The following OSBPL1A variants were observed in gnomAD, a reference collection of about 807,000 sequenced individuals.
OSBPL1A encodes the protein oxysterol-binding protein-related protein 1.
Under a neutral mutation model 137.1 loss-of-function variants are expected in OSBPL1A, and 80 were observed. The ratio of observed to expected loss-of-function variants is 0.58; its 90% CI spans 0.49 to 0.70. The LOEUF is 0.70. Among genes scored for constraint, OSBPL1A ranks in the 30% least tolerant of loss-of-function variants. The pLI, the probability that OSBPL1A is intolerant of heterozygous loss-of-function variation, is 0.00. For synonymous variants in OSBPL1A, 365 were observed against 389.7 expected, an observed-to-expected ratio of 0.94 and a Z score of 0.75; for missense variants, 970 against 1,129.4, an observed-to-expected ratio of 0.86 and a Z score of 2.02.
intron 5 of OSBPL1A, among the ~76,000 whole-genome samples, chr18:24,339,354 A>C (rs796321425): frequency 1.4e-4 from 22 of 152,294 alleles, no homozygotes; most frequent in African/African-American, 5.1e-4. Context: ...TAATTTGCCA[A>C]TGATCCATTT....
chr18:24,351,424 TGATCATAGTAAAA>T (rs1434944837), intron 4 of OSBPL1A, among the ~76,000 whole-genome samples: 1 of 148,210 alleles, frequency 6.7e-6, no homozygotes, highest in Non-Finnish European at 1.5e-5. Context: ...ATGACATATA[TGATCATAGTAAAA>T]GACAGTAAAA....
rs751616416 is a variant in OSBPL1A, at chr18:24,333,053, AAC to A, written c.512_513del (p.Cys171PhefsTer18). 6.2e-7 allele frequency: 1 copy of A among 1,614,184 alleles called. No individual in the cohort carries two copies. Among genetic ancestry groups the A allele is most frequent in the Admixed American group, 1.7e-5 (1 of 60,022 alleles). ...LNRPNPPDVN[C>X]SDQLGNTPLH... The stretch of plus-strand genomic sequence containing the variant: ...AAGGGTGTATTTCCTAACTGATCCG[AAC>A]AGTTAACATCAGGAGGATTGGGCCT... On this transcript the variant is annotated frameshift_variant, in exon 7 of 28. Coordinates refer to ENST00000319481, the MANE Select transcript of OSBPL1A (RefSeq NM_080597.4). LOFTEE classifies it high-confidence loss of function.
At chr18:24,189,231 A>G (rs2086826053) in intron 18 of OSBPL1A, among the ~76,000 whole-genome samples, 1 of 152,204 alleles carries the variant, frequency 6.6e-6, no homozygotes, top group South Asian at 2.1e-4. Flanking sequence ...CCTGAGAGCA[A>G]GGCCAAGTTT....
chr18:24,165,038 G>C (rs1300094488), intron 27 of OSBPL1A, 27 bp downstream of exon 27: 3 of 1,612,136 alleles, frequency 1.9e-6, no homozygotes, highest in Admixed American at 1.7e-5. Context: ...TGAGGGCTCA[G>C]CCACACCCCC....
chr18:24,250,672 C>T (rs954696938), intron 15 of OSBPL1A, among the ~76,000 whole-genome samples: 2 of 152,194 alleles, frequency 1.3e-5, no homozygotes, highest in Admixed American at 1.3e-4. Flanking sequence ...TGACACCCAA[C>T]ACATTACCAG....
At chr18:24,220,334 G>A (rs9949754) in intron 17 of OSBPL1A, among the ~76,000 whole-genome samples, 94,469 of 151,664 alleles carry the variant, frequency 0.62, 31,515 homozygotes, top group Non-Finnish European at 0.74. Flanking sequence ...TGGGAGAGTT[G>A]AGATAGGCTT....
intron 14 of OSBPL1A, 48 bp downstream of exon 14, chr18:24,303,589 T>C: frequency 6.9e-7 from 1 of 1,452,596 alleles, no homozygotes; most frequent in East Asian, 2.3e-5. Flanking sequence ...AACAGGTCAG[T>C]ATCTATGTGT....
At chr18:24,220,856 A>C (rs967682982) in intron 17 of OSBPL1A, among the ~76,000 whole-genome samples, 58 of 151,682 alleles carry the variant, frequency 3.8e-4, no homozygotes, top group African/African-American at 1.4e-3. Flanking sequence ...TTTGTCACCC[A>C]GGCTGGTGTA....
chr18:24,315,748 AAT>A (rs1410937296), intron 11 of OSBPL1A, among the ~76,000 whole-genome samples: 3 of 116,756 alleles, frequency 2.6e-5, no homozygotes, highest in African/African-American at 1.1e-4. Context: ...TAAAATATAT[AAT>A]ATAATATATA....
intron 18 of OSBPL1A, among the ~76,000 whole-genome samples, chr18:24,192,107 C>T (rs1341464275): frequency 1.3e-5 from 2 of 152,116 alleles, no homozygotes; most frequent in Non-Finnish European, 2.9e-5. Context: ...TTCTATTACT[C>T]CAAGACATTT....
At chr18:24,221,540 A>C (rs9948468) in intron 17 of OSBPL1A, among the ~76,000 whole-genome samples, 9,080 of 152,300 alleles carry the variant, frequency 0.06, 759 homozygotes, top group African/African-American at 0.19. Context: ...AAACTTGTAA[A>C]GATATTGTAC....
intron 1 of OSBPL1A, among the ~76,000 whole-genome samples, chr18:24,389,309 A>G (rs1470265481): frequency 6.6e-6 from 1 of 152,212 alleles, no homozygotes; most frequent in African/African-American, 2.4e-5. Context: ...AAATCAGGAG[A>G]TAAGAGACCA....
intron 1 of OSBPL1A, among the ~76,000 whole-genome samples, chr18:24,378,274 AT>A (rs1325089406): frequency 2.0e-5 from 3 of 152,242 alleles, no homozygotes; most frequent in Non-Finnish European, 4.4e-5. Flanking sequence ...ATTAGCAAAA[AT>A]AAAAAAAGAC....
intron 4 of OSBPL1A, among the ~76,000 whole-genome samples, chr18:24,352,486 CT>C (rs1413557858): frequency 1.3e-5 from 2 of 152,186 alleles, no homozygotes; most frequent in African/African-American, 4.8e-5. Context: ...AATGGTCATA[CT>C]GCCCAAGGTA....
At chr18:24,375,672 C>A (rs1230026011) in intron 2 of OSBPL1A, among the ~76,000 whole-genome samples, 1 of 152,140 alleles carries the variant, frequency 6.6e-6, no homozygotes, top group Non-Finnish European at 1.5e-5. Context: ...ACTTCCAGAT[C>A]CTGGTACCTA....
At chr18:24,348,929 A>T (rs577767240) in intron 4 of OSBPL1A, among the ~76,000 whole-genome samples, 56 of 152,214 alleles carry the variant, frequency 3.7e-4, no homozygotes, top group African/African-American at 1.3e-3. Flanking sequence ...GCATTTTGGG[A>T]GATCCAGGTC....
At chr18:24,244,737 C>T (rs552225975) in intron 15 of OSBPL1A, among the ~76,000 whole-genome samples, 15 of 152,320 alleles carry the variant, frequency 9.8e-5, no homozygotes, top group South Asian at 2.1e-4. Context: ...AGTGAATGGG[C>T]GCCAGCAAGA....
chr18:24,340,142 A>G (rs1372479413), intron 5 of OSBPL1A, among the ~76,000 whole-genome samples: 1 of 152,234 alleles, frequency 6.6e-6, no homozygotes, highest in African/African-American at 2.4e-5. Flanking sequence ...AACATTAGAA[A>G]TACTACTAAA....
At chr18:24,315,059 G>A (rs2146117280) in intron 11 of OSBPL1A, among the ~76,000 whole-genome samples, 1 of 152,252 alleles carries the variant, frequency 6.6e-6, no homozygotes, top group African/African-American at 2.4e-5. Context: ...GAAAGAAAAG[G>A]CAACCACATG....
Sources: gnomAD v4.1 joint callset for allele counts (sites outside exome capture counted in the v4.1 genomes callset) on GRCh38, gnomAD v4.1.1 for gene constraint, MANE v1.5 for transcripts, NCBI Gene and HGNC (gene_info 2026-07-23, HGNC 2026-07-21) for gene names.